PKHD1: variants seen among roughly 807,000 people sequenced by gnomAD.
PKHD1 encodes fibrocystin.
In PKHD1, 291 loss-of-function variants were observed where a neutral mutation model predicts 412.0. That is an observed-to-expected ratio of 0.71 (90% CI 0.64 to 0.78). PKHD1 has a LOEUF of 0.78. PKHD1 is among the 30% of genes least tolerant of loss of function. The pLI is 0.00. For synonymous variants in PKHD1, 1,777 were observed against 1,821.5 expected (o/e 0.98, Z 0.62); for missense variants, 4,825 against 4,950.7 (o/e 0.97, Z 0.76).
intron 52 of PKHD1, among the ~76,000 whole-genome samples, chr6:51,798,408 T>C (rs901181236): frequency 2.0e-5 from 3 of 151,936 alleles, no homozygotes; most frequent in Non-Finnish European, 4.4e-5. Flanking sequence ...AAAAAGAAAT[T>C]ATGTGTTGGA....
intron 50 of PKHD1, among the ~76,000 whole-genome samples, chr6:51,841,821 G>A (rs1195435165): frequency 6.6e-6 from 1 of 152,226 alleles, no homozygotes; most frequent in Non-Finnish European, 1.5e-5. Flanking sequence ...TAGGCCAGCT[G>A]AAGAAGAGAA....
At chr6:51,694,452 C>T (rs914329081) in intron 60 of PKHD1, among the ~76,000 whole-genome samples, 22 of 150,844 alleles carry the variant, frequency 1.5e-4, no homozygotes, top group Non-Finnish European at 3.0e-4. Context: ...GGCGTGATCT[C>T]GGCTCACTGC....
Position 51,659,476 on chromosome 6 carries a change from C to T in PKHD1, c.10650G>A (p.Glu3550=). 6.2e-7 allele frequency: 1 copy of T among 1,613,678 alleles called. No individual in the cohort carries two copies. The highest frequency in any genetic ancestry group is 1.1e-5 in the South Asian group (1 of 91,066). Reference sequence around the variant, plus strand: ...CACCTGAGCGTATTTCAATGGGCTCCTCTCCTTGTAGGACAACATACAAGA... The same window carrying T: ...CACCTGAGCGTATTTCAATGGGCTCTTCTCCTTGTAGGACAACATACAAGA... The part of the protein sequence containing the change: ...DNLLYVVLQG[E]EPIEIRSGVS... The change falls in exon 61 of 67, where the codon GAG becomes GAA. Residue 3550 remains glutamate (E), a synonymous_variant. Transcript: ENST00000371117.
At chr6:51,845,745 T>C (rs1771039082) in intron 50 of PKHD1, among the ~76,000 whole-genome samples, 1 of 152,236 alleles carries the variant, frequency 6.6e-6, no homozygotes, top group Admixed American at 6.5e-5. Flanking sequence ...GTATATATAA[T>C]AGTATAACTT....
chr6:52,034,814 T>C (rs757967107), intron 28 of PKHD1, among the ~76,000 whole-genome samples: 40 of 152,226 alleles, frequency 2.6e-4, no homozygotes, highest in Non-Finnish European at 4.7e-4. Flanking sequence ...GTAGTGTACA[T>C]ATAAAAGCTA....
chr6:52,068,549 G>C (rs887603230), intron 11 of PKHD1, among the ~76,000 whole-genome samples: 5 of 152,200 alleles, frequency 3.3e-5, no homozygotes, highest in Admixed American at 6.5e-5. Flanking sequence ...CTTTGGACAA[G>C]ATACTTTGTT....
Position 52,033,186 on chromosome 6 carries a change from A to G in PKHD1, c.3229-21T>C, listed in dbSNP as rs574290167. The G allele has an allele frequency of 6.9e-6, 11 of 1,600,898 alleles. No individual in the cohort carries two copies. The Admixed American group carries it at 1.8e-4, about 27-fold the overall frequency. On this transcript the variant is annotated intron_variant, in intron 28 of 66. Coordinates refer to ENST00000371117, the MANE Select transcript of PKHD1 (RefSeq NM_138694.4). ...TTCCCCTGAAAAATCAATTTTAAAA[A>G]TTAAACCTCAGTTTTATTTTAAAGT...
chr6:51,709,552 T>G (rs1196498921), intron 60 of PKHD1, among the ~76,000 whole-genome samples: 3 of 152,206 alleles, frequency 2.0e-5, no homozygotes, highest in Non-Finnish European at 4.4e-5. Flanking sequence ...GATAGTGATC[T>G]TTGTATCAAA....
At chr6:52,059,397 C>T (rs112531573) in intron 15 of PKHD1, among the ~76,000 whole-genome samples, 4,774 of 150,678 alleles carry the variant, frequency 0.032, 120 homozygotes, top group Non-Finnish European at 0.043. Flanking sequence ...TATAGGCATG[C>T]GCCACCATGC....
intron 55 of PKHD1, among the ~76,000 whole-genome samples, chr6:51,760,810 A>T (rs1423189871): frequency 6.6e-6 from 1 of 152,116 alleles, no homozygotes; most frequent in Non-Finnish European, 1.5e-5. Context: ...GAAAAGGATG[A>T]GGTAACAAAT....
intron 35 of PKHD1, among the ~76,000 whole-genome samples, chr6:51,971,353 A>G (rs1793641014): frequency 6.6e-6 from 1 of 152,194 alleles, no homozygotes; most frequent in Non-Finnish European, 1.5e-5. Flanking sequence ...TATTAAAGTT[A>G]CTGCTCAAAA....
intron 53 of PKHD1, among the ~76,000 whole-genome samples, chr6:51,788,363 T>G (rs553971347): frequency 7.6e-4 from 116 of 152,078 alleles, no homozygotes; most frequent in African/African-American, 2.7e-3. Context: ...AACTCTGTGC[T>G]TCTCCACCCT....
Position 52,025,510 on chromosome 6 carries a change from A to G in PKHD1, c.4300T>C (p.Leu1434=). The G allele has an allele frequency of 6.2e-7, 1 of 1,613,842 alleles. No individual in the cohort carries two copies. Among genetic ancestry groups the G allele is most frequent in the Non-Finnish European group, 8.5e-7 (1 of 1,179,736 alleles). ...AGAATGGTGTGGTCTCCCAAACTCA[A>G]AATCACACAAGTAAAAGGACCCGAG... The part of the protein sequence containing the change: ...DLSGPFTCVI[L]SLGDHTILCQ... The change falls in exon 32 of 67, where the codon TTG becomes CTG. Residue 1434 remains leucine (L), a synonymous_variant. Transcript: ENST00000371117.
intron 21 of PKHD1, among the ~76,000 whole-genome samples, chr6:52,050,502 C>G (rs889642079): frequency 6.6e-6 from 1 of 152,170 alleles, no homozygotes; most frequent in African/African-American, 2.4e-5. Context: ...GTGCAAGGTC[C>G]TGATTTAAGG....
intron 43 of PKHD1, among the ~76,000 whole-genome samples, chr6:51,900,335 G>A (rs1781027160): frequency 6.6e-6 from 1 of 152,126 alleles, no homozygotes; most frequent in Non-Finnish European, 1.5e-5. Context: ...GTAGATCAAT[G>A]GAACAGAACA....
At chr6:51,895,940 G>A (rs543061455) in intron 43 of PKHD1, among the ~76,000 whole-genome samples, 244 of 152,218 alleles carry the variant, frequency 1.6e-3, no homozygotes, top group Middle Eastern at 0.014. Flanking sequence ...ACTCCCACCC[G>A]AATACTGCGC....
intron 52 of PKHD1, among the ~76,000 whole-genome samples, chr6:51,810,158 AT>A (rs201967949): frequency 0.011 from 1,682 of 152,226 alleles, 18 homozygotes; most frequent in Non-Finnish European, 0.017. Context: ...ACAGATAGAA[AT>A]TTATCAAATG....
Position 52,078,615 on chromosome 6 carries a change from C to T in PKHD1, c.390+1285G>A, listed in dbSNP as rs142980510. 5.2e-4 allele frequency among the ~76,000 whole-genome samples: 79 copies of T among 152,312 alleles called. 1 individual carries two copies. The highest frequency in any genetic ancestry group is 1.9e-3 in the African/African-American group (78 of 41,572). On this transcript the variant is annotated intron_variant, in intron 5 of 66. Coordinates refer to ENST00000371117, the MANE Select transcript of PKHD1 (RefSeq NM_138694.4). ...GCATCCCCTGGTGATTTTTCATCAA[C>T]TTGCCAAGATAGTTGAACCACTGAC... is the stretch of plus-strand genomic sequence containing the variant.
At chr6:51,760,657 C>A (rs1290305657) in intron 55 of PKHD1, among the ~76,000 whole-genome samples, 1 of 151,930 alleles carries the variant, frequency 6.6e-6, no homozygotes, top group African/African-American at 2.4e-5. Context: ...TGAAGTGCTG[C>A]AATGAGAATG....
Sources: gnomAD v4.1 joint callset for allele counts (sites outside exome capture counted in the v4.1 genomes callset) on GRCh38, gnomAD v4.1.1 for gene constraint, MANE v1.5 for transcripts, NCBI Gene and HGNC (gene_info 2026-07-23, HGNC 2026-07-21) for gene names.